ADAR: variants seen among roughly 807,000 people sequenced by gnomAD.
The protein encoded by ADAR is adenosine deaminase RNA specific.
ADAR carries 41 observed loss-of-function variants against 113.2 expected under a neutral mutation model. That is an observed-to-expected ratio of 0.36 (90% CI 0.28 to 0.47). The LOEUF is 0.47. ADAR is among the 20% of genes least tolerant of loss of function. The pLI is 1.00. For synonymous variants in ADAR, 605 were observed against 572.6 expected (o/e 1.06, Z -0.81); for missense variants, 1,242 against 1,540.9 (o/e 0.81, Z 3.25).
At chr1:154,587,451 T>C (rs761894803) in intron 11 of ADAR, among the ~76,000 whole-genome samples, 25 of 152,214 alleles carry the variant, frequency 1.6e-4, no homozygotes, top group Non-Finnish European at 3.7e-4. Context: ...AATGCTGCCA[T>C]GAACATTCAC....
At chr1:154,590,134 T>TCGGGGGGGGG in intron 7 of ADAR, 50 bp downstream of exon 7, 1 of 1,447,052 alleles carries the variant, frequency 6.9e-7, no homozygotes, top group Non-Finnish European at 9.6e-7. Flanking sequence ...ACTTAGGAGT[T>TCGGGGGGGGG]AGGAGGACCC....
At chr1:154,600,748 A>C in intron 2 of ADAR, 1 of 450,356 alleles carries the variant, frequency 2.2e-6, no homozygotes, top group Non-Finnish European at 4.1e-6. Context: ...CTGGGATTAC[A>C]GGCATGAGCC....
At chr1:154,606,340 T>A (rs1698188430) in intron 1 of ADAR, among the ~76,000 whole-genome samples, 1 of 152,216 alleles carries the variant, frequency 6.6e-6, no homozygotes, top group African/African-American at 2.4e-5. Context: ...CCAGTTATTT[T>A]ATTTTTTTAA....
At chr1:154,592,638 C>T (rs918466681) in intron 6 of ADAR, among the ~76,000 whole-genome samples, 1 of 152,054 alleles carries the variant, frequency 6.6e-6, no homozygotes, top group African/African-American at 2.4e-5. Flanking sequence ...AAAGATGATC[C>T]TCAGGTTTCT....
upstream of ADAR, among the ~76,000 whole-genome samples, chr1:154,611,475 T>A (rs1460801374): frequency 6.6e-6 from 1 of 152,160 alleles, no homozygotes; most frequent in Non-Finnish European, 1.5e-5. Context: ...TTTTTTTTTT[T>A]AACTGTTCTA....
chr1:154,607,949 C>T (rs765368599), intron 1 of ADAR, 43 bp downstream of exon 1: 13 of 1,610,952 alleles, frequency 8.1e-6, no homozygotes, highest in Non-Finnish European at 1.1e-5. Flanking sequence ...AGGTTGTAAA[C>T]GAACCCAGAC....
chr1:154,586,012 G>A lies in ADAR; in HGVS notation c.3203-147C>T, dbSNP rs896094059. The stretch of plus-strand genomic sequence containing the variant: ...TGTTAGGAAGCACCTTCTGACTGGG[G>A]CTACCAGGATCTTCCTACCACAGCA... On this transcript the variant is annotated intron_variant, in intron 12 of 14. Coordinates refer to ENST00000368474, the MANE Select transcript of ADAR (RefSeq NM_001111.5). The A allele has an allele frequency of 1.2e-5, 14 of 1,170,692 alleles. No homozygotes were observed. In the African/African-American group the frequency reaches 1.8e-4, roughly 15 times the overall value. The allele number at this position is 1,170,692 out of a possible 1,614,324, so 72.5% of individuals were successfully genotyped here. A position where few individuals can be genotyped will look rare whatever the true frequency, so the allele number is the denominator to read the frequency against.
intron 1 of ADAR, chr1:154,605,996 G>A (rs1698167304): frequency 1.1e-6 from 1 of 942,554 alleles, no homozygotes; most frequent in Non-Finnish European, 1.3e-6. Context: ...CTATGGAATA[G>A]TACTCACACG....
intron 1 of ADAR, among the ~76,000 whole-genome samples, chr1:154,613,979 G>A (rs1045502999): frequency 1.3e-5 from 2 of 150,824 alleles, no homozygotes; most frequent in African/African-American, 4.9e-5. Context: ...AAGCTATTAA[G>A]TGCATTTATC....
Position 154,589,438 on chromosome 1 carries a change from GA to G in ADAR, c.2692del (p.Ser898LeufsTer4). 1 of 1,613,958 alleles carries G rather than the reference GA, an allele frequency of 6.2e-7. No individual in the cohort carries two copies. Among genetic ancestry groups the G allele is most frequent in the Non-Finnish European group, 8.5e-7 (1 of 1,179,838 alleles). On this transcript the variant is annotated frameshift_variant, in exon 9 of 15. Coordinates refer to ENST00000368474, the MANE Select transcript of ADAR (RefSeq NM_001111.5). LOFTEE classifies it high-confidence loss of function. ...GACAGTTTCTCCTTTTAGGCTGAGA[GA>G]ATCTCCTTTCACACAGCGATTCCCT... The part of the protein sequence containing the change: ...GTGNRCVKGD[S>X]LSLKGETVND...
chr1:154,592,604 G>A (rs1557874115), intron 6 of ADAR, among the ~76,000 whole-genome samples: 1 of 152,106 alleles, frequency 6.6e-6, no homozygotes, highest in Admixed American at 6.6e-5. Flanking sequence ...ATGAGTTGAC[G>A]AAGGAGGTAA....
intron 1 of ADAR, among the ~76,000 whole-genome samples, chr1:154,604,957 T>C (rs1698099736): frequency 6.6e-6 from 1 of 152,232 alleles, no homozygotes; most frequent in Admixed American, 6.5e-5. Context: ...CAGCACATAT[T>C]CTGAACCAAA....
chr1:154,610,765 G>T (rs757029137), upstream of ADAR, among the ~76,000 whole-genome samples: 25 of 133,656 alleles, frequency 1.9e-4, no homozygotes, highest in Non-Finnish European at 1.7e-4. Flanking sequence ...AGCCAAGATT[G>T]TGCCATTGCA....
intron 1 of ADAR, among the ~76,000 whole-genome samples, chr1:154,616,750 G>C (rs892411141): frequency 6.6e-6 from 1 of 152,178 alleles, no homozygotes; most frequent in African/African-American, 2.4e-5. Flanking sequence ...CGCAACATGC[G>C]CATTTCCCTC....
intron 2 of ADAR, 133 bp from the exon 3 acceptor site, chr1:154,598,718 AG>A (rs1465920128): frequency 3.4e-6 from 3 of 880,884 alleles, no homozygotes; most frequent in Non-Finnish European, 5.6e-6. Context: ...GGGTAGGCCA[AG>A]GAACTCCTTC....
rs1190740301 is a variant in ADAR, at chr1:154,601,453, A to T, written c.1189T>A (p.Ser397Thr). 5.0e-6 allele frequency: 8 copies of T among 1,614,096 alleles called. No individual in the cohort carries two copies. The highest frequency in any genetic ancestry group is 6.8e-6 in the Non-Finnish European group (8 of 1,180,042). Residue 397 changes from serine (S) to threonine (T), a missense_variant, in exon 2 of 15, where the codon TCA (serine) becomes ACA (threonine). Coordinates refer to ENST00000368474, the MANE Select transcript of ADAR (RefSeq NM_001111.5). This position sits in a 1 kb window ranked among gnomAD's most constrained non-coding sequence, Gnocchi z 4.7. ...AEFLTCNIPTSNASNNMVTTE... is the reference protein window; with the variant it reads ...AEFLTCNIPTTNASNNMVTTE... ...GTTACCATGTTATTTGAGGCATTTG[A>T]TGTGGGTATATTACAGGTGAGGAAC...
At chr1:154,623,606 C>T (rs1698853616) in intron 1 of ADAR, among the ~76,000 whole-genome samples, 1 of 152,126 alleles carries the variant, frequency 6.6e-6, no homozygotes, top group African/African-American at 2.4e-5. Context: ...TTGTGGTCTC[C>T]CTATTTCCTT....
At chr1:154,589,964 C>A in intron 7 of ADAR, 36 bp from the exon 8 acceptor site, 3 of 1,612,572 alleles carry the variant, frequency 1.9e-6, no homozygotes. Context: ...CACCACAAAG[C>A]TGAGGCTGTG....
rs1553209459 is a variant in ADAR, at chr1:154,590,152, C to CCA, written c.2496+30_2496+31dup. 2.2e-4 allele frequency: 295 copies of CCA among 1,333,354 alleles called. No homozygotes were observed. In the East Asian group the frequency reaches 7.3e-3, roughly 33 times the overall value. 82.6% of individuals were successfully genotyped at this position (1,333,354 alleles called of 1,614,324 possible). On this transcript the variant is annotated intron_variant, in intron 7 of 14. Coordinates refer to ENST00000368474, the MANE Select transcript of ADAR (RefSeq NM_001111.5). Reference sequence around the variant, plus strand: ...TAGGAGTTAGGAGGACCCCCCCGCCCCAAAAAAGGCACCAAAAGTAGACGT... The same window carrying CCA: ...TAGGAGTTAGGAGGACCCCCCCGCCCCACAAAAAAGGCACCAAAAGTAGACGT...
Sources: allele counts gnomAD v4.1 joint callset (sites outside exome capture counted in the v4.1 genomes callset), GRCh38; gene constraint gnomAD v4.1.1; non-coding constraint Gnocchi (gnomAD v3.1); transcripts MANE v1.5; gene names NCBI Gene and HGNC (gene_info 2026-07-23, HGNC 2026-07-21).